EIF4E3: variants seen among roughly 807,000 people sequenced by gnomAD.
The protein encoded by EIF4E3 is eukaryotic translation initiation factor 4E type 3.
In EIF4E3, 26 loss-of-function variants were observed where a neutral mutation model predicts 31.7. The observed-to-expected ratio is 0.82, with a 90% CI of 0.60 to 1.14. The LOEUF (loss-of-function observed/expected upper bound fraction) is 1.14. Among genes scored for constraint, EIF4E3 ranks in the 50% most tolerant of loss-of-function variants. The pLI, the probability that EIF4E3 is intolerant of heterozygous loss-of-function variation, is 0.00. For missense variants in EIF4E3, 304 were observed against 270.9 expected, an observed-to-expected ratio of 1.12 and a Z score of -0.86; for synonymous variants, 128 against 107.7, an observed-to-expected ratio of 1.19 and a Z score of -1.17.
At chr3:71,744,700 G>A (rs889782566) in intron 1 of EIF4E3, among the ~76,000 whole-genome samples, 16 of 152,218 alleles carry the variant, frequency 1.1e-4, no homozygotes, top group African/African-American at 2.7e-4. Context: ...AGCCGAGACT[G>A]TGCCACTGCA....
At chr3:71,713,103 T>C (rs1315056249) in intron 1 of EIF4E3, among the ~76,000 whole-genome samples, 1 of 152,176 alleles carries the variant, frequency 6.6e-6, no homozygotes, top group African/African-American at 2.4e-5. Flanking sequence ...TGTCAGTGAC[T>C]AACATGTAAG....
At chr3:71,705,919 C>G (rs1351493666) in intron 2 of EIF4E3, among the ~76,000 whole-genome samples, 1 of 152,230 alleles carries the variant, frequency 6.6e-6, no homozygotes, top group African/African-American at 2.4e-5. Flanking sequence ...TGAGCCAATG[C>G]ACCCGGCTAA....
intron 1 of EIF4E3, among the ~76,000 whole-genome samples, chr3:71,752,790 T>G (rs1198483535): frequency 6.6e-6 from 1 of 152,000 alleles, no homozygotes; most frequent in African/African-American, 2.4e-5. Context: ...AACAGACGGG[T>G]TAGAAGGAGG....
chr3:71,698,824 C>T (rs4364137), intron 3 of EIF4E3, among the ~76,000 whole-genome samples: 29,433 of 152,136 alleles, frequency 0.19, 3,189 homozygotes, highest in African/African-American at 0.29. Context: ...CTGGTGGGGA[C>T]CATCAGATTC....
At chr3:71,712,704 G>C (rs2049399771) in intron 1 of EIF4E3, among the ~76,000 whole-genome samples, 1 of 151,700 alleles carries the variant, frequency 6.6e-6, no homozygotes, top group Non-Finnish European at 1.5e-5. Flanking sequence ...TCAAAAAACT[G>C]TATTTCAAAA....
Position 71,676,116 on chromosome 3 carries a change from C to T in EIF4E3, c.*8566G>A, listed in dbSNP as rs2048873519. ...CACTACAGCAAAAGCACATTAAATT[C>T]TGCCCAGTTACTAACTTACGGGGGT... is the stretch of plus-strand genomic sequence containing the variant. On this transcript the variant is annotated 3_prime_UTR_variant, in exon 7 of 7. Coordinates refer to ENST00000425534, the MANE Select transcript of EIF4E3 (RefSeq NM_001134651.2). 2 of 152,206 alleles carry T rather than the reference C, an allele frequency of 1.3e-5. No individual in the cohort carries two copies. Among genetic ancestry groups the T allele is most frequent in the African/African-American group, 4.8e-5 (2 of 41,458 alleles). 9.4% of individuals were successfully genotyped at this position (152,206 alleles called of 1,614,324 possible). A position where few individuals can be genotyped will look rare whatever the true frequency, so the allele number is the denominator to read the frequency against.
intron 6 of EIF4E3, among the ~76,000 whole-genome samples, chr3:71,685,802 A>G (rs2048983352): frequency 6.6e-6 from 1 of 152,070 alleles, no homozygotes; most frequent in Admixed American, 6.6e-5. Flanking sequence ...GTGACAATCT[A>G]CCTCCCGGAT....
chr3:71,699,613 C>A lies in EIF4E3; in HGVS notation c.344+1G>T. ...CCTTAAATTACACGTTAGACACTTA[C>A]CAAAGTGGTCGCCTCTCTCCTCTCA... On this transcript the variant is annotated splice_donor_variant, in intron 3 of 6. Coordinates refer to ENST00000425534, the MANE Select transcript of EIF4E3 (RefSeq NM_001134651.2). LOFTEE classifies it high-confidence loss of function. 2 of 1,613,382 alleles carry A rather than the reference C, an allele frequency of 1.2e-6. No individual in the cohort carries two copies. Among genetic ancestry groups the A allele is most frequent in the South Asian group, 1.1e-5 (1 of 91,056 alleles).
At chr3:71,689,443 AAAC>A (rs935465461) in intron 6 of EIF4E3, among the ~76,000 whole-genome samples, 8 of 152,204 alleles carry the variant, frequency 5.3e-5, no homozygotes, top group Non-Finnish European at 1.0e-4. Context: ...TCATGATGGA[AAAC>A]AATGGGTCCA....
At chr3:71,707,904 A>T (rs1164342803) in intron 2 of EIF4E3, among the ~76,000 whole-genome samples, 2 of 142,220 alleles carry the variant, frequency 1.4e-5, no homozygotes, top group African/African-American at 2.7e-5. Flanking sequence ...TGTGTGTGTG[A>T]GAGAGACAGA....
chr3:71,669,063 C>A, the EIF4E3 span, among the ~76,000 whole-genome samples: 1 of 151,994 alleles, frequency 6.6e-6, no homozygotes, highest in Non-Finnish European at 1.5e-5. Context: ...TACTATGCAG[C>A]CATAAAAAAA....
chr3:71,749,259 A>G (rs2049903024), intron 1 of EIF4E3, among the ~76,000 whole-genome samples: 2 of 152,216 alleles, frequency 1.3e-5, no homozygotes, highest in Non-Finnish European at 2.9e-5. Flanking sequence ...AATCTGGTTC[A>G]TGTACAACTA....
At chr3:71,704,940 T>C (rs1162363215) in intron 2 of EIF4E3, among the ~76,000 whole-genome samples, 2 of 152,244 alleles carry the variant, frequency 1.3e-5, no homozygotes, top group African/African-American at 2.4e-5. Context: ...ATTGTAGCTA[T>C]AGATGTTGAT....
chr3:71,735,683 G>T (rs187608538), intron 1 of EIF4E3, among the ~76,000 whole-genome samples: 12 of 152,064 alleles, frequency 7.9e-5, no homozygotes, highest in Non-Finnish European at 1.5e-4. Context: ...GGTTATTAGA[G>T]CATGAAGGGC....
chr3:71,715,312 C>A (rs1578365507), intron 1 of EIF4E3, among the ~76,000 whole-genome samples: 1 of 152,200 alleles, frequency 6.6e-6, no homozygotes, highest in Admixed American at 6.5e-5. Flanking sequence ...ATTTAATCAA[C>A]AAAAATGTTT....
intron 3 of EIF4E3, among the ~76,000 whole-genome samples, chr3:71,697,342 T>C (rs1369579525): frequency 6.6e-6 from 1 of 152,214 alleles, no homozygotes; most frequent in Non-Finnish European, 1.5e-5. Flanking sequence ...TTTTGATACA[T>C]GCATACAAGG....
the EIF4E3 span, among the ~76,000 whole-genome samples, chr3:71,663,193 A>G: frequency 6.6e-6 from 1 of 152,164 alleles, no homozygotes; most frequent in Admixed American, 6.5e-5. Flanking sequence ...CACTGGGCGA[A>G]GGATGGGTCT....
In EIF4E3 at chr3:71,742,350, G is replaced by A. The variant is rs1288656896; in HGVS notation, c.-291+11113C>T. ...GCTATGTAGAAGATAACAATGAAATGTTATTAACAACTTATGCCAATGAAT... is the reference window on the plus strand; with the variant it reads ...GCTATGTAGAAGATAACAATGAAATATTATTAACAACTTATGCCAATGAAT... On this transcript the variant is annotated intron_variant, in intron 1 of 7. Coordinates refer to the EIF4E3 transcript ENST00000295612. Among the ~76,000 whole-genome samples the A allele has an allele frequency of 2.0e-5, 3 of 152,212 alleles. No homozygotes were observed. In the East Asian group the frequency reaches 5.8e-4, roughly 29 times the overall value.
chr3:71,732,027 A>G (rs1257097861), intron 1 of EIF4E3, among the ~76,000 whole-genome samples: 1 of 152,142 alleles, frequency 6.6e-6, no homozygotes, highest in Non-Finnish European at 1.5e-5. Flanking sequence ...TTCTTGGTGC[A>G]TTTTCAGCTC....
Sources: allele counts gnomAD v4.1 joint callset (sites outside exome capture counted in the v4.1 genomes callset), GRCh38; gene constraint gnomAD v4.1.1; transcripts MANE v1.5; gene names NCBI Gene and HGNC (gene_info 2026-07-23, HGNC 2026-07-21).